The following CREB1 variants were observed in gnomAD, a reference collection of about 807,000 sequenced individuals.
The protein encoded by CREB1 is cAMP responsive element binding protein 1.
In CREB1, 2 loss-of-function variants were observed where a neutral mutation model predicts 42.0. That is an observed-to-expected ratio of 0.05 (90% CI 0.02 to 0.15). The LOEUF is 0.15. Ranked by LOEUF, CREB1 falls within the 10% of genes least tolerant of loss-of-function variation. CREB1 has a pLI of 1.00. For missense variants in CREB1, 199 were observed against 388.9 expected, an observed-to-expected ratio of 0.51 and a Z score of 4.11; for synonymous variants, 123 against 139.9, an observed-to-expected ratio of 0.88 and a Z score of 0.85.
intron 7 of CREB1, among the ~76,000 whole-genome samples, chr2:207,591,084 T>C (rs2084943414): frequency 6.6e-6 from 1 of 152,212 alleles, no homozygotes; most frequent in Non-Finnish European, 1.5e-5. Flanking sequence ...TTCTCTTAAA[T>C]TATCAAGTAT....
intron 7 of CREB1, among the ~76,000 whole-genome samples, chr2:207,584,421 C>T (rs563490842): frequency 5.3e-5 from 8 of 151,554 alleles, no homozygotes; most frequent in Admixed American, 6.6e-5. Context: ...TTTTTTGAGA[C>T]GGAGTCTCCC....
At chr2:207,549,318 C>T (rs551802922) in intron 1 of CREB1, among the ~76,000 whole-genome samples, 1 of 152,012 alleles carries the variant, frequency 6.6e-6, no homozygotes, top group East Asian at 1.9e-4. Flanking sequence ...GCATCAGAAA[C>T]CTGGAGCATT....
At position 207,604,558 on chromosome 2, in the gene CREB1, A is replaced by G. The variant is rs1474651325; in HGVS notation, c.*7500A>G. Among the ~76,000 whole-genome samples, 1 of 152,236 alleles carries G rather than the reference A, an allele frequency of 6.6e-6. No individual in the cohort carries two copies. Among genetic ancestry groups the G allele is most frequent in the Non-Finnish European group, 1.5e-5 (1 of 68,038 alleles). On this transcript the variant is annotated 3_prime_UTR_variant, in exon 8 of 8. Coordinates refer to ENST00000353267, the MANE Select transcript of CREB1 (RefSeq NM_004379.5). Reference sequence around the variant, plus strand: ...CGGGCCTGACATCAAATGGAAAGGAAGGATAATGTCCAGGAGTTGGAATGT... The same window carrying G: ...CGGGCCTGACATCAAATGGAAAGGAGGGATAATGTCCAGGAGTTGGAATGT...
chr2:207,596,649 T>G (rs571383972), intron 7 of CREB1, among the ~76,000 whole-genome samples: 1 of 152,346 alleles, frequency 6.6e-6, no homozygotes, highest in African/African-American at 2.4e-5. Context: ...GCCAGGCTGA[T>G]CTTGGACTCC....
chr2:207,602,499 G>C lies in CREB1; in HGVS notation c.*5441G>C, dbSNP rs1022347389. ...TTTGACCTAACATTACTTGCCTATA[G>C]AAGTATGGCATTTCCAAGCTTTTGT... On this transcript the variant is annotated 3_prime_UTR_variant, in exon 8 of 8. Transcript: ENST00000353267. 4.9e-6 allele frequency: 1 copy of C among 205,808 alleles called. No homozygotes were observed. Among genetic ancestry groups the C allele is most frequent in the Non-Finnish European group, 9.9e-6 (1 of 100,832 alleles). 12.7% of individuals were successfully genotyped at this position (205,808 alleles called of 1,614,324 possible). A position where few individuals can be genotyped will look rare whatever the true frequency, so the allele number is the denominator to read the frequency against.
Position 207,548,915 on chromosome 2 carries a change from T to G in CREB1, c.-8-6713T>G, listed in dbSNP as rs141164088. On this transcript the variant is annotated intron_variant, in intron 1 of 7. Transcript: ENST00000353267. ...CTTTTATTTTTGTCATATAAGTAATTTAAATCTTATCAAATTCAGATCACA... is the reference window on the plus strand; with the variant it reads ...CTTTTATTTTTGTCATATAAGTAATGTAAATCTTATCAAATTCAGATCACA... 1.5e-4 allele frequency among the ~76,000 whole-genome samples: 23 copies of G among 152,390 alleles called. No homozygotes were observed. The East Asian group carries it at 4.2e-3, about 28-fold the overall frequency.
chr2:207,566,968 G>A (rs576028929), intron 3 of CREB1, among the ~76,000 whole-genome samples: 1 of 152,204 alleles, frequency 6.6e-6, no homozygotes, highest in Non-Finnish European at 1.5e-5. Flanking sequence ...CATGTTAGGA[G>A]TTTTTCCTAA....
rs912400413 is a variant in CREB1 at position 207,602,939 on chromosome 2, C to A, written c.*5881C>A. 18 of 215,614 alleles carry A rather than the reference C, an allele frequency of 8.3e-5. No individual in the cohort carries two copies. The allele number at this position is 215,614 out of a possible 1,614,324, so 13.4% of individuals were successfully genotyped here. On this transcript the variant is annotated 3_prime_UTR_variant, in exon 8 of 8. Transcript: ENST00000353267. ...TCTAACCCAGATGTATCACTTGAAA[C>A]TTTTTAGAAGCAAAATAATCAGGGA...
chr2:207,572,109 C>G (rs970647853), intron 5 of CREB1, among the ~76,000 whole-genome samples: 34 of 151,908 alleles, frequency 2.2e-4, no homozygotes, highest in African/African-American at 8.0e-4. Flanking sequence ...GCCTGTAATC[C>G]CAGCTACTCG....
rs1346661730 is a variant in CREB1 at position 207,603,608 on chromosome 2, G to A, written c.*6550G>A. ...TCAGTTACTGGATCCCTAATTTTCA[G>A]GACAAAACCTGTTTTTCAATAAGAT... is the stretch of plus-strand genomic sequence containing the variant. On this transcript the variant is annotated 3_prime_UTR_variant, in exon 8 of 8. Transcript: ENST00000353267. 6.6e-6 allele frequency among the ~76,000 whole-genome samples: 1 copy of A among 152,090 alleles called. No individual in the cohort carries two copies. Among genetic ancestry groups the A allele is most frequent in the Non-Finnish European group, 1.5e-5 (1 of 67,998 alleles).
At chr2:207,546,099 T>C (rs2106397842) in intron 1 of CREB1, among the ~76,000 whole-genome samples, 1 of 152,354 alleles carries the variant, frequency 6.6e-6, no homozygotes, top group East Asian at 1.9e-4. Context: ...GAAGATTTTC[T>C]ACTTTGAGTT....
chr2:207,561,745 A>G (rs1374798718), intron 3 of CREB1, among the ~76,000 whole-genome samples: 2 of 152,148 alleles, frequency 1.3e-5, no homozygotes, highest in African/African-American at 4.8e-5. Context: ...TTTTCTTTAC[A>G]TATAGTAACC....
At chr2:207,549,100 G>A (rs181367018) in intron 1 of CREB1, among the ~76,000 whole-genome samples, 1 of 152,286 alleles carries the variant, frequency 6.6e-6, no homozygotes, top group East Asian at 1.9e-4. Context: ...CACATTGTCT[G>A]CTCTGACTTG....
chr2:207,592,663 G>A (rs766935689), intron 7 of CREB1, among the ~76,000 whole-genome samples: 42 of 152,024 alleles, frequency 2.8e-4, no homozygotes, highest in Non-Finnish European at 5.4e-4. Flanking sequence ...GCTCACGCAT[G>A]TAATCCCAGC....
chr2:207,576,241 C>CTTTTTTTTTTTTTTTTTTATTTTT (rs2082592834), intron 6 of CREB1, among the ~76,000 whole-genome samples: 2 of 101,068 alleles, frequency 2.0e-5, no homozygotes, highest in Admixed American at 1.1e-4. Flanking sequence ...CTTTTTTTGG[C>CTTTTTTTTTTTTTTTTTTATTTTT]TTTTTTTTTT....
At chr2:207,572,124 G>C (rs2082389319) in intron 5 of CREB1, among the ~76,000 whole-genome samples, 1 of 151,546 alleles carries the variant, frequency 6.6e-6, no homozygotes, top group African/African-American at 2.4e-5. Context: ...TACTCGGGAG[G>C]CTGAGACAGG....
At chr2:207,531,185 A>T (rs1200385720) in intron 1 of CREB1, among the ~76,000 whole-genome samples, 1 of 151,986 alleles carries the variant, frequency 6.6e-6, no homozygotes, top group Non-Finnish European at 1.5e-5. Flanking sequence ...GTATCAGCCG[A>T]TGTACTCTTG....
intron 3 of CREB1, among the ~76,000 whole-genome samples, chr2:207,567,237 GA>G (rs1015779369): frequency 2.7e-5 from 4 of 150,626 alleles, no homozygotes; most frequent in Admixed American, 1.3e-4. Flanking sequence ...ATGGAGTCCT[GA>G]AAAAAAAATT....
At chr2:207,592,149 G>C (rs1361015957) in intron 7 of CREB1, among the ~76,000 whole-genome samples, 1 of 152,088 alleles carries the variant, frequency 6.6e-6, no homozygotes, top group Non-Finnish European at 1.5e-5. Context: ...TGAAGTGACA[G>C]ACTTTAAAGA....
Sources: allele counts gnomAD v4.1 joint callset (sites outside exome capture counted in the v4.1 genomes callset), GRCh38; gene constraint gnomAD v4.1.1; transcripts MANE v1.5; gene names NCBI Gene and HGNC (gene_info 2026-07-23, HGNC 2026-07-21).